Variants in CSMD1 observed in about 807,000 individuals in gnomAD.
CSMD1 encodes CUB and Sushi multiple domains 1, also known as CUB and sushi domain-containing protein 1.
Under a neutral mutation model 417.5 loss-of-function variants are expected in CSMD1, and 213 were observed. That is an observed-to-expected ratio of 0.51 (90% CI 0.46 to 0.57). The LOEUF (loss-of-function observed/expected upper bound fraction) is 0.57. Ranked by LOEUF, CSMD1 falls within the 20% of genes least tolerant of loss-of-function variation. The pLI is 0.00. For synonymous variants in CSMD1, 2,862 were observed against 1,736.8 expected, an observed-to-expected ratio of 1.65 and a Z score of -16.11; for missense variants, 6,923 against 4,529.7, an observed-to-expected ratio of 1.53 and a Z score of -15.17.
chr8:4,462,464 C>T (rs1268699312), intron 2 of CSMD1, among the ~76,000 whole-genome samples: 1 of 152,048 alleles, frequency 6.6e-6, no homozygotes, highest in Non-Finnish European at 1.5e-5. Context: ...AAAATCTCTG[C>T]TGGCTTATTT....
intron 7 of CSMD1, among the ~76,000 whole-genome samples, chr8:3,664,139 G>A (rs1246904554): frequency 8.5e-5 from 13 of 152,088 alleles, no homozygotes; most frequent in Non-Finnish European, 8.8e-5. Context: ...CCATTGACTC[G>A]TCATTTAACA....
chr8:4,348,539 A>T (rs76983448), intron 3 of CSMD1, among the ~76,000 whole-genome samples: 1 of 150,208 alleles, frequency 6.7e-6, no homozygotes, highest in Admixed American at 6.7e-5. Context: ...GTTGTATCAC[A>T]AATAAAAGTG....
rs182205639 is a variant in CSMD1, at chr8:4,836,014, T to A, written c.85+158318A>T. On this transcript the variant is annotated intron_variant, in intron 1 of 69. Transcript: ENST00000635120. ...ATCCTACCAGATTCTAACTAGGATG[T>A]GAAAAATAAATAGAGATGGTTTCTG... Among the ~76,000 whole-genome samples, 407 of 152,290 alleles carry A rather than the reference T, an allele frequency of 2.7e-3. 2 individuals are homozygous for A. Among genetic ancestry groups the A allele is most frequent in the African/African-American group, 9.0e-3 (376 of 41,568 alleles).
At chr8:3,153,694 G>A (rs1819338161) in intron 39 of CSMD1, among the ~76,000 whole-genome samples, 1 of 152,154 alleles carries the variant, frequency 6.6e-6, no homozygotes, top group African/African-American at 2.4e-5. Flanking sequence ...CAGCCCTGCA[G>A]GAGGGGCTGG....
At chr8:3,865,265 A>G (rs1031156745) in intron 5 of CSMD1, among the ~76,000 whole-genome samples, 2 of 152,214 alleles carry the variant, frequency 1.3e-5, no homozygotes, top group African/African-American at 2.4e-5. Flanking sequence ...ACAGTAAGTT[A>G]CTTCTGCCTC....
intron 7 of CSMD1, among the ~76,000 whole-genome samples, chr8:3,667,202 T>C (rs975698911): frequency 3.3e-5 from 5 of 152,160 alleles, no homozygotes; most frequent in Non-Finnish European, 5.9e-5. Flanking sequence ...CAAACATTTA[T>C]AAACATTTAC....
intron 4 of CSMD1, among the ~76,000 whole-genome samples, chr8:3,999,360 C>T (rs1026914941): frequency 1.3e-5 from 2 of 152,116 alleles, no homozygotes; most frequent in Non-Finnish European, 2.9e-5. Flanking sequence ...CTCTCTCCAC[C>T]AAAATTATAC....
intron 5 of CSMD1, among the ~76,000 whole-genome samples, chr8:3,784,451 T>C (rs766156369): frequency 4.6e-5 from 7 of 152,214 alleles, no homozygotes; most frequent in Non-Finnish European, 8.8e-5. Flanking sequence ...TAAAGAGATA[T>C]ATAAGTTCCT....
chr8:3,508,223 A>C (rs1043800943), intron 10 of CSMD1, among the ~76,000 whole-genome samples: 1 of 152,042 alleles, frequency 6.6e-6, no homozygotes, highest in Non-Finnish European at 1.5e-5. Flanking sequence ...AGGTAGTAGG[A>C]ATTTGAGGCA....
At chr8:3,458,828 A>G (rs544813094) in intron 12 of CSMD1, among the ~76,000 whole-genome samples, 1 of 152,340 alleles carries the variant, frequency 6.6e-6, no homozygotes, top group South Asian at 2.1e-4. Flanking sequence ...ATTGAATAAA[A>G]TGGGGCTCTT....
intron 1 of CSMD1, among the ~76,000 whole-genome samples, chr8:4,783,188 C>G (rs1032529939): frequency 2.6e-5 from 4 of 152,192 alleles, no homozygotes; most frequent in African/African-American, 9.7e-5. Context: ...AGTTGAAATA[C>G]ACTTAACATT....
At chr8:3,806,933 G>T (rs896923242) in intron 5 of CSMD1, among the ~76,000 whole-genome samples, 3 of 152,062 alleles carry the variant, frequency 2.0e-5, no homozygotes, top group Non-Finnish European at 4.4e-5. Context: ...TATTCTAATT[G>T]TCAGATAGGA....
intron 3 of CSMD1, among the ~76,000 whole-genome samples, chr8:4,269,454 G>C (rs759549342): frequency 2.7e-4 from 41 of 152,264 alleles, no homozygotes; most frequent in Admixed American, 6.5e-4. Context: ...GTTTAATCAA[G>C]TATTTTTATC....
At chr8:4,498,977 G>C (rs1168288504) in intron 2 of CSMD1, among the ~76,000 whole-genome samples, 2 of 151,582 alleles carry the variant, frequency 1.3e-5, no homozygotes, top group African/African-American at 2.4e-5. Context: ...AAATTCCTTA[G>C]AATTAAAAAA....
At chr8:4,391,705 C>G (rs1803860471) in intron 3 of CSMD1, among the ~76,000 whole-genome samples, 1 of 152,108 alleles carries the variant, frequency 6.6e-6, no homozygotes, top group South Asian at 2.1e-4. Context: ...CACCAGCTTC[C>G]CCATGTGAAA....
chr8:4,011,352 A>G (rs937840931), intron 4 of CSMD1, among the ~76,000 whole-genome samples: 4 of 152,194 alleles, frequency 2.6e-5, no homozygotes, highest in African/African-American at 9.7e-5. Flanking sequence ...AAACAATGTT[A>G]TAGACTTTTC....
intron 2 of CSMD1, among the ~76,000 whole-genome samples, chr8:4,467,048 G>T (rs1585125260): frequency 1.5e-5 from 2 of 130,920 alleles, no homozygotes; most frequent in Admixed American, 1.8e-4. Context: ...TTTCATGGCA[G>T]AACAATTAAA....
Position 4,362,418 on chromosome 8 carries a change from G to C in CSMD1, c.415+57535C>G, listed in dbSNP as rs148450556. Among the ~76,000 whole-genome samples, 24 of 152,268 alleles carry C rather than the reference G, an allele frequency of 1.6e-4. 1 individual carries two copies. The highest frequency in any genetic ancestry group is 5.5e-4 in the African/African-American group (23 of 41,548). On this transcript the variant is annotated intron_variant, in intron 3 of 69. Coordinates refer to ENST00000635120, the MANE Select transcript of CSMD1 (RefSeq NM_033225.6). Reference sequence around the variant, plus strand: ...ACAGAGTCTCAGGTCCGAGGGATTAGATGTAACTTTGGACAAGAAGAGTTT... The same window carrying C: ...ACAGAGTCTCAGGTCCGAGGGATTACATGTAACTTTGGACAAGAAGAGTTT...
rs142243173 is a variant in CSMD1, at chr8:4,035,579, T to C, written c.416-3480A>G. Among the ~76,000 whole-genome samples, 590 of 152,270 alleles carry C rather than the reference T, an allele frequency of 3.9e-3. 3 individuals carry two copies. Among genetic ancestry groups the C allele is most frequent in the African/African-American group, 0.014 (568 of 41,554 alleles). On this transcript the variant is annotated intron_variant, in intron 3 of 69. Coordinates refer to ENST00000635120, the MANE Select transcript of CSMD1 (RefSeq NM_033225.6). ...GTGCAGGCCTAGGCTAGGGTGTGTGTTTGAGTCTTAATTTTTAATGAATAC... is the reference window on the plus strand; with the variant it reads ...GTGCAGGCCTAGGCTAGGGTGTGTGCTTGAGTCTTAATTTTTAATGAATAC...
Sources: allele counts gnomAD v4.1 joint callset (sites outside exome capture counted in the v4.1 genomes callset), GRCh38; gene constraint gnomAD v4.1.1; transcripts MANE v1.5; gene names NCBI Gene and HGNC (gene_info 2026-07-23, HGNC 2026-07-21).